The following SH2B1 variants were observed in gnomAD, a reference collection of about 807,000 sequenced individuals.
SH2B1 encodes the protein SH2B adapter protein 1.
In SH2B1, 15 loss-of-function variants were observed where a neutral mutation model predicts 62.6. The observed-to-expected ratio is 0.24, with a 90% CI of 0.16 to 0.37. The LOEUF (loss-of-function observed/expected upper bound fraction) is 0.37, where lower values mean the gene tolerates loss of function less well. Ranked by LOEUF, SH2B1 falls within the 10% of genes least tolerant of loss-of-function variation. SH2B1 has a pLI of 1.00. For missense variants in SH2B1, 925 were observed against 1,015.6 expected, an observed-to-expected ratio of 0.91 and a Z score of 1.21; for synonymous variants, 443 against 438.0, an observed-to-expected ratio of 1.01 and a Z score of -0.14.
intron 1 of SH2B1, among the ~76,000 whole-genome samples, chr16:28,848,531 A>ACAAT (rs1205395872): frequency 1.3e-5 from 2 of 152,046 alleles, no homozygotes; most frequent in Non-Finnish European, 2.9e-5. Context: ...CTATTGTTTC[A>ACAAT]CAATCAGCGC....
intron 2 of SH2B1, among the ~76,000 whole-genome samples, chr16:28,867,744 G>A (rs998943686): frequency 2.0e-5 from 3 of 152,160 alleles, no homozygotes; most frequent in Non-Finnish European, 4.4e-5. Context: ...GTGTAGCCTC[G>A]AACTCCTGGG....
At chr16:28,867,661 G>C (rs1394724923) in intron 2 of SH2B1, among the ~76,000 whole-genome samples, 2 of 152,170 alleles carry the variant, frequency 1.3e-5, no homozygotes, top group African/African-American at 2.4e-5. Context: ...TTGTTGTTGT[G>C]GTTGTTTTAG....
chr16:28,868,493 C>G (rs2086613869), intron 2 of SH2B1, among the ~76,000 whole-genome samples: 1 of 151,534 alleles, frequency 6.6e-6, no homozygotes, highest in Non-Finnish European at 1.5e-5. Flanking sequence ...GCATTTTACT[C>G]TGTCTCCCAG....
intron 4 of SH2B1, 90 bp downstream of exon 4, chr16:28,869,473 T>G: frequency 8.4e-7 from 1 of 1,195,156 alleles, no homozygotes; most frequent in Non-Finnish European, 1.2e-6. Context: ...CAGACGCCAC[T>G]GTGCCCCCAT....
chr16:28,853,154 ATG>A (rs1244862159), intron 1 of SH2B1, among the ~76,000 whole-genome samples: 2 of 134,324 alleles, frequency 1.5e-5, no homozygotes, highest in Non-Finnish European at 3.1e-5. Context: ...ATATATATAA[ATG>A]TATATATAAA....
rs1236655332 is a variant in SH2B1 at position 28,852,571 on chromosome 16, CAT to C, written c.-301+5751_-301+5752del. On this transcript the variant is annotated intron_variant, in intron 1 of 10. Transcript: ENST00000322610. Reference sequence around the variant, plus strand: ...ATATACACATATTTATATATATACACATATATATTTATATATATACACATATA... The same window carrying C: ...ATATACACATATTTATATATATACACATATATTTATATATATACACATATA... Among the ~76,000 whole-genome samples, 47 of 45,160 alleles carry C rather than the reference CAT, an allele frequency of 1.0e-3. 13 individuals carry two copies. The highest frequency in any genetic ancestry group is 4.2e-3 in the African/African-American group (36 of 8,602). The allele number at this position is 45,160 out of a possible 152,430, so 29.6% of individuals were successfully genotyped here. A position where few individuals can be genotyped will look rare whatever the true frequency, so the allele number is the denominator to read the frequency against.
At chr16:28,862,305 T>C (rs889696125), upstream of SH2B1, 2 of 152,138 alleles carry the variant, frequency 1.3e-5, no homozygotes, top group Non-Finnish European at 2.9e-5. Flanking sequence ...ATTATTGTTA[T>C]TATTTTTGAG....
intron 1 of SH2B1, among the ~76,000 whole-genome samples, chr16:28,856,930 T>C (rs1962333378): frequency 6.6e-6 from 1 of 152,042 alleles, no homozygotes; most frequent in South Asian, 2.1e-4. Context: ...CACTCTGATG[T>C]GATGGGAGAC....
chr16:28,867,583 G>A (rs1428620422), intron 2 of SH2B1, 151 bp downstream of exon 2: 4 of 642,986 alleles, frequency 6.2e-6, no homozygotes, highest in African/African-American at 3.6e-5. Context: ...TTCTGGGATA[G>A]CGGAAGACAG....
At position 28,863,947 on chromosome 16, in the gene SH2B1, T is replaced by TGGGACC. The variant is rs1962542624; in HGVS notation, c.-2145_-2140dup. The TGGGACC allele has an allele frequency of 1.0e-5, 15 of 1,458,906 alleles. No homozygotes were observed. The highest frequency in any genetic ancestry group is 1.3e-5 in the Non-Finnish European group (14 of 1,112,708). 90.4% of individuals were successfully genotyped at this position (1,458,906 alleles called of 1,614,324 possible). A position where few individuals can be genotyped will look rare whatever the true frequency, so the allele number is the denominator to read the frequency against. ...CTAACCTCGGGGACCGAGATGCAGGTGGGACCGGAACCGGAACCCCCCTCT... is the reference window on the plus strand; with the variant it reads ...CTAACCTCGGGGACCGAGATGCAGGTGGGACCGGGACCGGAACCGGAACCCCCCTCT... On this transcript the variant is annotated 5_prime_UTR_variant, in exon 1 of 8. Coordinates refer to ENST00000684370, the MANE Select transcript of SH2B1 (RefSeq NM_001387430.1).
rs1567458230 is a variant in SH2B1 at position 28,852,319 on chromosome 16, T to TATATATATTTAC, written c.-301+5516_-301+5527dup. Reference sequence around the variant, plus strand: ...ATATATTTACATATATATATTTACATATATATATTTACATATATATTTACA... The same window carrying TATATATATTTAC: ...ATATATTTACATATATATATTTACATATATATATTTACATATATATTTACATATATATTTACA... On this transcript the variant is annotated intron_variant, in intron 1 of 10. Coordinates refer to the SH2B1 transcript ENST00000322610. 1.8e-3 allele frequency among the ~76,000 whole-genome samples: 125 copies of TATATATATTTAC among 69,990 alleles called. 32 individuals carry two copies. Among genetic ancestry groups the TATATATATTTAC allele is most frequent in the Admixed American group, 3.9e-3 (17 of 4,322 alleles). The allele number at this position is 69,990 out of a possible 152,430, so 45.9% of individuals were successfully genotyped here. A position where few individuals can be genotyped will look rare whatever the true frequency, so the allele number is the denominator to read the frequency against.
chr16:28,867,445 C>G lies in SH2B1; in HGVS notation c.1041+13C>G. 1 of 1,594,844 alleles carries G rather than the reference C, an allele frequency of 6.3e-7. No homozygotes were observed. Among genetic ancestry groups the G allele is most frequent in the East Asian group, 2.2e-5 (1 of 44,780 alleles). On this transcript the variant is annotated intron_variant, in intron 2 of 7. Coordinates refer to ENST00000684370, the MANE Select transcript of SH2B1 (RefSeq NM_001387430.1). Reference sequence around the variant, plus strand: ...GTTTGTGGTTAAGGTAGGAATTCAACTTCCCAGCCGCCGGCAGTGCTTGTG... The same window carrying G: ...GTTTGTGGTTAAGGTAGGAATTCAAGTTCCCAGCCGCCGGCAGTGCTTGTG...
chr16:28,857,778 T>C (rs865791735), intron 1 of SH2B1, among the ~76,000 whole-genome samples: 8 of 151,042 alleles, frequency 5.3e-5, no homozygotes, highest in Non-Finnish European at 8.8e-5. Context: ...CTCGCTCTGT[T>C]GCCCAGGCTG....
Position 28,864,356 on chromosome 16 carries a change from G to A in SH2B1, c.-1739G>A. The A allele has an allele frequency of 2.0e-6, 2 of 991,770 alleles. No individual in the cohort carries two copies. The highest frequency in any genetic ancestry group is 4.4e-5 in the South Asian group (1 of 22,560). 61.4% of individuals were successfully genotyped at this position (991,770 alleles called of 1,614,324 possible). ...GTCGCAGGGTCAGCGGGCCTGAAGG[G>A]GGCTGGGTCTGTCTGCGGTGCGGAG... On this transcript the variant is annotated 5_prime_UTR_variant, in exon 1 of 8. Coordinates refer to ENST00000684370, the MANE Select transcript of SH2B1 (RefSeq NM_001387430.1).
intron 1 of SH2B1, among the ~76,000 whole-genome samples, chr16:28,853,120 ATATT>A (rs1169975518): frequency 2.3e-5 from 3 of 128,134 alleles, no homozygotes; most frequent in Non-Finnish European, 3.2e-5. Context: ...ACATTTATAT[ATATT>A]TATGTATACA....
chr16:28,857,928 A>AG (rs1299515410), intron 1 of SH2B1, among the ~76,000 whole-genome samples: 1 of 151,776 alleles, frequency 6.6e-6, no homozygotes, highest in African/African-American at 2.4e-5. Flanking sequence ...TTTAGTAGAG[A>AG]GGGGGTTTCA....
chr16:28,868,938 C>A, intron 2 of SH2B1, 68 bp from the exon 3 acceptor site: 1 of 1,182,238 alleles, frequency 8.5e-7, no homozygotes. Flanking sequence ...ATACATTGTT[C>A]TCATTAGGCA....
In SH2B1 at chr16:28,873,489, C is replaced by G. The variant is rs909207682; in HGVS notation, c.1940C>G (p.Pro647Arg). ...SHDPPQPPEP[P>R]SWTDPPQPGA... is the part of the protein sequence containing the mutation. Reference sequence around the variant, plus strand: ...GACCCACCCCAGCCCCCTGAACCCCCTTCATGGACAGATCCCCCACAGCCT... The same window carrying G: ...GACCCACCCCAGCCCCCTGAACCCCGTTCATGGACAGATCCCCCACAGCCT... The change falls in exon 8 of 8, where the codon CCT (proline) becomes CGT (arginine). Residue 647 changes from proline (P) to arginine (R), a missense_variant. Pro to Arg is a moderately radical substitution (Grantham distance 103, BLOSUM62 -2). Coordinates refer to ENST00000684370, the MANE Select transcript of SH2B1 (RefSeq NM_001387430.1). The surrounding 1 kb of genome is among the most constrained non-coding windows in gnomAD (Gnocchi z 4.2). 1 of 1,583,082 alleles carries G rather than the reference C, an allele frequency of 6.3e-7. No homozygotes were observed.
intron 1 of SH2B1, among the ~76,000 whole-genome samples, chr16:28,855,621 C>T (rs1962302193): frequency 7.7e-6 from 1 of 129,482 alleles, no homozygotes; most frequent in Admixed American, 8.3e-5. Context: ...GCTCGTGGCA[C>T]TAAGAACTTA....
Sources: gnomAD v4.1 joint callset for allele counts (sites outside exome capture counted in the v4.1 genomes callset) on GRCh38, gnomAD v4.1.1 for gene constraint, Gnocchi (gnomAD v3.1) non-coding constraint, MANE v1.5 for transcripts, NCBI Gene and HGNC (gene_info 2026-07-23, HGNC 2026-07-21) for gene names.